KAZN: variants seen among roughly 807,000 people sequenced by gnomAD.
The protein encoded by KAZN is kazrin, periplakin interacting protein, also known as kazrin.
Under a neutral mutation model 87.4 loss-of-function variants are expected in KAZN, and 40 were observed. The observed-to-expected ratio is 0.46, with a 90% CI of 0.36 to 0.60. The LOEUF is 0.60. Among genes scored for constraint, KAZN ranks in the 20% least tolerant of loss-of-function variants. The pLI, the probability that KAZN is intolerant of heterozygous loss-of-function variation, is 0.00. For missense variants in KAZN, 898 were observed against 1,073.9 expected (o/e 0.84, Z 2.29); for synonymous variants, 466 against 458.3 (o/e 1.02, Z -0.22).
At chr1:14,634,811 C>T (rs1048294242) in intron 1 of KAZN, among the ~76,000 whole-genome samples, 2 of 152,156 alleles carry the variant, frequency 1.3e-5, no homozygotes, top group African/African-American at 2.4e-5. Flanking sequence ...AATCAGTGAA[C>T]ACCTCTTCCT....
intron 2 of KAZN, among the ~76,000 whole-genome samples, chr1:14,188,906 A>G (rs1646368935): frequency 6.6e-6 from 1 of 152,126 alleles, no homozygotes; most frequent in Non-Finnish European, 1.5e-5. Context: ...GTCAGATGAT[A>G]GAGAGCCAAA....
At chr1:14,647,664 G>T (rs1280618800) in intron 1 of KAZN, among the ~76,000 whole-genome samples, 1 of 152,024 alleles carries the variant, frequency 6.6e-6, no homozygotes, top group Non-Finnish European at 1.5e-5. Flanking sequence ...TGGGAATCGG[G>T]GCCTGGTATT....
intron 1 of KAZN, among the ~76,000 whole-genome samples, chr1:13,935,240 A>ATAGTAG (rs200762782): frequency 4.9e-5 from 7 of 142,242 alleles, no homozygotes; most frequent in African/African-American, 1.5e-4. Flanking sequence ...TCCGTATCAA[A>ATAGTAG]TAGTAGTAGT....
At chr1:14,647,198 G>A (rs114335415) in intron 1 of KAZN, among the ~76,000 whole-genome samples, 4 of 152,182 alleles carry the variant, frequency 2.6e-5, no homozygotes, top group Admixed American at 6.5e-5. Context: ...ACCCCGGGGC[G>A]CAGTTTTTCC....
chr1:13,991,287 A>G (rs990455726), intron 1 of KAZN, among the ~76,000 whole-genome samples: 1 of 152,062 alleles, frequency 6.6e-6, no homozygotes, highest in Non-Finnish European at 1.5e-5. Flanking sequence ...ATCACATACC[A>G]GGGCCTGTTG....
chr1:13,990,041 G>A (rs189040367), intron 1 of KAZN, among the ~76,000 whole-genome samples: 22 of 152,322 alleles, frequency 1.4e-4, no homozygotes, highest in African/African-American at 5.1e-4. Flanking sequence ...TGCCAATAGG[G>A]AGACTGAAAC....
rs545583728 is a variant in KAZN, at chr1:14,708,177, C to T, written c.226+108954C>T. Among the ~76,000 whole-genome samples, 138 of 152,250 alleles carry T rather than the reference C, an allele frequency of 9.1e-4. 1 individual carries two copies. The highest frequency in any genetic ancestry group is 3.0e-3 in the African/African-American group (123 of 41,558). On this transcript the variant is annotated intron_variant, in intron 1 of 14. Coordinates refer to ENST00000376030, the MANE Select transcript of KAZN (RefSeq NM_201628.3). ...CACTCCGTTTGAAGCCTTTTTTACC[C>T]TGATGGACCTGGCTGTGCCTTTCCA...
intron 2 of KAZN, among the ~76,000 whole-genome samples, chr1:14,970,069 C>T (rs1664858934): frequency 6.6e-6 from 1 of 152,204 alleles, no homozygotes; most frequent in African/African-American, 2.4e-5. Context: ...CTGCCTCGGC[C>T]TCCCAAAGTG....
chr1:14,175,143 A>G (rs143427564), intron 1 of KAZN, among the ~76,000 whole-genome samples: 2,445 of 152,226 alleles, frequency 0.016, 40 homozygotes, highest in South Asian at 0.039. Context: ...TCACTCTGTC[A>G]CCCAGGCTGG....
chr1:14,020,210 G>A (rs911401629), intron 1 of KAZN, among the ~76,000 whole-genome samples: 6 of 152,136 alleles, frequency 3.9e-5, no homozygotes, highest in Non-Finnish European at 5.9e-5. Flanking sequence ...AATGGGGAGC[G>A]GCTGTAAATA....
chr1:14,026,770 C>A (rs891510857), intron 1 of KAZN, among the ~76,000 whole-genome samples: 1 of 152,166 alleles, frequency 6.6e-6, no homozygotes, highest in Non-Finnish European at 1.5e-5. Flanking sequence ...AAGTGAATAG[C>A]ACAGCCCTGC....
intron 1 of KAZN, among the ~76,000 whole-genome samples, chr1:14,758,097 GTTTGTTTC>G (rs1040937646): frequency 3.2e-4 from 47 of 144,706 alleles, no homozygotes; most frequent in Admixed American, 2.7e-3. Context: ...TTGTTTGTTT[GTTTGTTTC>G]TTTGTTTTGT....
chr1:14,346,450 T>A lies in KAZN; in HGVS notation c.249+165858T>A, dbSNP rs116251143. ...TTTCTCAGCCCTCCTGGGGTGAGGA[T>A]GTGACTGTCCCCTGGGAAAGCTTGG... is the stretch of plus-strand genomic sequence containing the variant. On this transcript the variant is annotated intron_variant, in intron 2 of 16. Coordinates refer to the KAZN transcript ENST00000636203. Among the ~76,000 whole-genome samples, 499 of 152,158 alleles carry A rather than the reference T, an allele frequency of 3.3e-3. 2 individuals are homozygous for A. Among genetic ancestry groups the A allele is most frequent in the African/African-American group, 0.011 (470 of 41,500 alleles).
intron 2 of KAZN, among the ~76,000 whole-genome samples, chr1:14,574,868 G>T (rs139375350): frequency 6.6e-6 from 1 of 152,176 alleles, no homozygotes; most frequent in Non-Finnish European, 1.5e-5. Flanking sequence ...TGCTCAGAGC[G>T]CACAGAGCAG....
chr1:14,370,923 A>C (rs1012597548), intron 2 of KAZN, among the ~76,000 whole-genome samples: 1 of 152,128 alleles, frequency 6.6e-6, no homozygotes, highest in Non-Finnish European at 1.5e-5. Context: ...GGGCTCAAGC[A>C]ATCCACCCAC....
At chr1:14,927,953 G>A (rs1659345111) in intron 1 of KAZN, among the ~76,000 whole-genome samples, 1 of 149,920 alleles carries the variant, frequency 6.7e-6, no homozygotes, top group African/African-American at 2.5e-5. Context: ...GAACGAAACA[G>A]GATGCCTTGT....
chr1:14,404,012 G>A (rs1283308779), intron 2 of KAZN, among the ~76,000 whole-genome samples: 1 of 152,150 alleles, frequency 6.6e-6, no homozygotes, highest in East Asian at 1.9e-4. Context: ...TGAGGGGGTG[G>A]TGTCTGATTG....
At chr1:14,898,880 C>T (rs1042899823) in intron 1 of KAZN, among the ~76,000 whole-genome samples, 3 of 152,154 alleles carry the variant, frequency 2.0e-5, no homozygotes, top group Non-Finnish European at 4.4e-5. Flanking sequence ...ATCAAAATGT[C>T]CCTGAAGTGC....
At chr1:14,750,540 A>G (rs1341676460) in intron 1 of KAZN, among the ~76,000 whole-genome samples, 2 of 151,852 alleles carry the variant, frequency 1.3e-5, no homozygotes, top group Non-Finnish European at 2.9e-5. Context: ...GATGCTCATT[A>G]GCTTTCTGTT....
Sources: gnomAD v4.1 joint callset for allele counts (sites outside exome capture counted in the v4.1 genomes callset) on GRCh38, gnomAD v4.1.1 for gene constraint, MANE v1.5 for transcripts, NCBI Gene and HGNC (gene_info 2026-07-23, HGNC 2026-07-21) for gene names.